DDC: variants seen among roughly 807,000 people sequenced by gnomAD.
DDC encodes the protein dopa decarboxylase, also known as aromatic-L-amino-acid decarboxylase.
A neutral mutation model predicts 60.0 loss-of-function variants in DDC; 43 were observed. The observed-to-expected ratio is 0.72, with a 90% CI of 0.56 to 0.92. The LOEUF is 0.92. Among genes scored for constraint, DDC ranks in the 40% least tolerant of loss-of-function variants. The pLI, the probability that DDC is intolerant of heterozygous loss-of-function variation, is 0.00. For synonymous variants in DDC, 232 were observed against 234.6 expected, an observed-to-expected ratio of 0.99 and a Z score of 0.10; for missense variants, 573 against 620.2, an observed-to-expected ratio of 0.92 and a Z score of 0.81.
rs753862164 is a variant in DDC at position 50,463,367 on chromosome 7, A to G, written c.1307T>C (p.Val436Ala). Residue 436 changes from valine (V) to alanine (A), a missense_variant, in exon 14 of 15, where the codon GTT becomes GCT. Coordinates refer to ENST00000444124, the MANE Select transcript of DDC (RefSeq NM_001082971.2). ...RINSAKKIHLVPCHLRDKFVL... is the reference protein window; with the variant it reads ...RINSAKKIHLAPCHLRDKFVL... ...AAACTTGTCCCTGAGGTGACATGGAACCAAGTGGATTTTTTTGGCACTGTT... is the reference window on the plus strand; with the variant it reads ...AAACTTGTCCCTGAGGTGACATGGAGCCAAGTGGATTTTTTTGGCACTGTT... The G allele has an allele frequency of 2.5e-6, 4 of 1,614,104 alleles. No homozygotes were observed. The Admixed American group carries it at 6.7e-5, about 27-fold the overall frequency.
At chr7:50,538,131 T>C (rs919690864) in intron 3 of DDC, 152 bp from the exon 4 acceptor site, 1 of 957,660 alleles carries the variant, frequency 1.0e-6, no homozygotes, top group Non-Finnish European at 1.6e-6. Context: ...CTGTTTGACC[T>C]AGAATCATGC....
chr7:50,561,572 T>G (rs781247990), intron 1 of DDC, among the ~76,000 whole-genome samples: 9 of 152,152 alleles, frequency 5.9e-5, no homozygotes, highest in Non-Finnish European at 1.0e-4. Context: ...ACTCCTGTGC[T>G]GTTACCCTTA....
chr7:50,560,165 C>T (rs1035247650), intron 1 of DDC, among the ~76,000 whole-genome samples: 4 of 152,148 alleles, frequency 2.6e-5, no homozygotes, highest in Non-Finnish European at 4.4e-5. Flanking sequence ...TCTCTGGCAC[C>T]CTTGACAAAC....
At chr7:50,511,990 C>T in intron 6 of DDC, among the ~76,000 whole-genome samples, 1 of 151,986 alleles carries the variant, frequency 6.6e-6, no homozygotes, top group Admixed American at 6.5e-5. Flanking sequence ...TCTCATAAAT[C>T]ACCACTAAAA....
intron 7 of DDC, among the ~76,000 whole-genome samples, chr7:50,500,354 C>T (rs2043223864): frequency 6.6e-6 from 1 of 152,164 alleles, no homozygotes; most frequent in African/African-American, 2.4e-5. Flanking sequence ...TGGAAGGCCC[C>T]ACCTCCAATA....
intron 4 of DDC, among the ~76,000 whole-genome samples, chr7:50,534,767 G>A (rs1045632190): frequency 1.3e-5 from 2 of 152,184 alleles, no homozygotes; most frequent in East Asian, 1.9e-4. Flanking sequence ...TCAAAACCAC[G>A]CCCTCTGCAG....
intron 9 of DDC, among the ~76,000 whole-genome samples, chr7:50,487,970 A>C (rs757864369): frequency 2.0e-5 from 3 of 152,152 alleles, no homozygotes; most frequent in Non-Finnish European, 4.4e-5. Flanking sequence ...GGCATTTAAT[A>C]TTGTTGGTTT....
chr7:50,474,395 A>C (rs1457270458), intron 11 of DDC, among the ~76,000 whole-genome samples: 1 of 152,124 alleles, frequency 6.6e-6, no homozygotes, highest in Non-Finnish European at 1.5e-5. Context: ...CTGGTGGTGG[A>C]GGGAGTAGGA....
intron 4 of DDC, among the ~76,000 whole-genome samples, chr7:50,530,555 TG>T (rs1280810767): frequency 2.6e-5 from 4 of 152,206 alleles, no homozygotes; most frequent in South Asian, 2.1e-4. Context: ...ATCCCATTTT[TG>T]TGTTTTATCA....
At chr7:50,496,046 T>C in intron 8 of DDC, among the ~76,000 whole-genome samples, 1 of 152,152 alleles carries the variant, frequency 6.6e-6, no homozygotes, top group East Asian at 1.9e-4. Flanking sequence ...TTGCCAGCAT[T>C]GCTGTAACAT....
At chr7:50,517,851 A>C (rs1215639051) in intron 6 of DDC, among the ~76,000 whole-genome samples, 1 of 146,674 alleles carries the variant, frequency 6.8e-6, no homozygotes, top group East Asian at 2.0e-4. Context: ...AAAAAACCTT[A>C]GGAATATACC....
Position 50,495,279 on chromosome 7 carries a change from C to A in DDC, c.944+71G>T. On this transcript the variant is annotated intron_variant, in intron 9 of 14. Coordinates refer to ENST00000444124, the MANE Select transcript of DDC (RefSeq NM_001082971.2). ...GACTATTGCACCCCTTTGGCTCTGG[C>A]ATCTTCCCTGCCAGCTTCTTTCACT... 3 of 1,181,672 alleles carry A rather than the reference C, an allele frequency of 2.5e-6. No individual in the cohort carries two copies. In the South Asian group the frequency reaches 3.7e-5, roughly 14 times the overall value. 73.2% of individuals were successfully genotyped at this position (1,181,672 alleles called of 1,614,324 possible).
intron 13 of DDC, among the ~76,000 whole-genome samples, chr7:50,464,725 C>T (rs757037943): frequency 6.6e-6 from 1 of 152,170 alleles, no homozygotes; most frequent in African/African-American, 2.4e-5. Context: ...GGAGACCAAG[C>T]AAGTTCTGGC....
At chr7:50,513,173 G>T (rs2043630721) in intron 6 of DDC, among the ~76,000 whole-genome samples, 1 of 152,196 alleles carries the variant, frequency 6.6e-6, no homozygotes, top group African/African-American at 2.4e-5. Flanking sequence ...AGCTGCAGAA[G>T]CGGGAAAGGG....
intron 4 of DDC, 55 bp downstream of exon 4, chr7:50,537,805 A>G (rs2044468784): frequency 3.1e-6 from 5 of 1,611,634 alleles, no homozygotes; most frequent in African/African-American, 1.3e-5. Context: ...CTGCGGCTAC[A>G]GTCCTGTGCA....
intron 4 of DDC, 141 bp downstream of exon 4, chr7:50,537,719 C>G (rs1410862850): frequency 3.5e-6 from 4 of 1,129,660 alleles, no homozygotes; most frequent in South Asian, 2.5e-5. Flanking sequence ...CAGCATTTTC[C>G]CAAGAGCTCG....
At chr7:50,563,168 A>C (rs972508601) in intron 1 of DDC, among the ~76,000 whole-genome samples, 172 of 2,258 alleles carry the variant, frequency 0.076, no homozygotes, top group African/African-American at 0.37. Flanking sequence ...CTCCATCTCA[A>C]AAAAAAAAAA....
intron 6 of DDC, among the ~76,000 whole-genome samples, chr7:50,511,818 G>A (rs2043589583): frequency 6.6e-6 from 1 of 152,110 alleles, no homozygotes; most frequent in Non-Finnish European, 1.5e-5. Context: ...GTTAAAACAA[G>A]AGAAGGCAAA....
intron 11 of DDC, among the ~76,000 whole-genome samples, chr7:50,473,657 G>A (rs979820380): frequency 6.6e-6 from 1 of 151,950 alleles, no homozygotes; most frequent in Non-Finnish European, 1.5e-5. Flanking sequence ...CATCTGCCTG[G>A]GTTCCTTTAG....
Sources: gnomAD v4.1 joint callset for allele counts (sites outside exome capture counted in the v4.1 genomes callset) on GRCh38, gnomAD v4.1.1 for gene constraint, MANE v1.5 for transcripts, NCBI Gene and HGNC (gene_info 2026-07-23, HGNC 2026-07-21) for gene names.